Variants in ZNF155 observed in about 807,000 individuals in gnomAD.
ZNF155 encodes the protein zinc finger protein 155.
In ZNF155, 15 loss-of-function variants were observed where a neutral mutation model predicts 11.9. The ratio of observed to expected loss-of-function variants is 1.26; its 90% CI spans 0.84 to 1.94. The LOEUF (loss-of-function observed/expected upper bound fraction) is 1.94. Ranked by LOEUF, ZNF155 falls within the 30% of genes most tolerant of loss-of-function variation. The pLI is 0.00. For missense variants in ZNF155, 602 were observed against 639.1 expected (o/e 0.94, Z 0.63); for synonymous variants, 212 against 219.9 (o/e 0.96, Z 0.32).
Position 43,991,831 on chromosome 19 carries a change from C to T in ZNF155, c.143-11C>T, listed in dbSNP as rs370294146. 145 of 1,612,246 alleles carry T rather than the reference C, an allele frequency of 9.0e-5. No individual in the cohort carries two copies. The highest frequency in any genetic ancestry group is 1.1e-4 in the Non-Finnish European group (135 of 1,178,996). On this transcript the variant is annotated splice_polypyrimidine_tract_variant and intron_variant, in intron 3 of 4. Coordinates refer to ENST00000270014, the MANE Select transcript of ZNF155 (RefSeq NM_198089.3). ...TGTTGGGATTCAGCACGTGACCTTACCTATTCACAGGGCATCAACCGTTCC... is the reference window on the plus strand; with the variant it reads ...TGTTGGGATTCAGCACGTGACCTTATCTATTCACAGGGCATCAACCGTTCC...
Position 43,996,254 on chromosome 19 carries a change from C to G in ZNF155, c.397C>G (p.Gln133Glu). 1.2e-6 allele frequency: 2 copies of G among 1,614,192 alleles called. No homozygotes were observed. The highest frequency in any genetic ancestry group is 1.7e-6 in the Non-Finnish European group (2 of 1,180,016). The part of the protein sequence containing the change: ...QFFENGDVPS[Q>E]VEAGLPTIHT... ...CTTTGAAAATGGTGATGTCCCCTCC[C>G]AGGTTGAAGCAGGACTACCCACAAT... The change falls in exon 5 of 5, where the codon CAG (glutamine) becomes GAG (glutamate). Residue 133 changes from glutamine (Q) to glutamate (E), a missense_variant. Transcript: ENST00000270014.
Position 43,984,189 on chromosome 19 carries a change from T to C in ZNF155, c.-142T>C, listed in dbSNP as rs1975347319. The C allele has an allele frequency of 6.6e-6, 1 of 151,846 alleles. No individual in the cohort carries two copies. Among genetic ancestry groups the C allele is most frequent in the Non-Finnish European group, 1.5e-5 (1 of 67,998 alleles). The allele number at this position is 151,846 out of a possible 1,614,324, so 9.4% of individuals were successfully genotyped here. A position where few individuals can be genotyped will look rare whatever the true frequency, so the allele number is the denominator to read the frequency against. ...TGTAGTCCAGACGCCTGTGGCATCA[T>C]CGACACTTCCGGTCTCCGAGCAGGA... On this transcript the variant is annotated 5_prime_UTR_variant, in exon 1 of 5. Coordinates refer to ENST00000270014, the MANE Select transcript of ZNF155 (RefSeq NM_198089.3).
intron 2 of ZNF155, chr19:43,990,004 T>C (rs382255): frequency 0.3 from 419,810 of 1,408,428 alleles, 67,498 homozygotes; most frequent in African/African-American, 0.53. Context: ...AATAATAGAA[T>C]GATTTGTTCC....
chr19:43,997,440 A>C lies in ZNF155; in HGVS notation c.1583A>C (p.Asp528Ala). 6.2e-7 allele frequency: 1 copy of C among 1,600,452 alleles called. No homozygotes were observed. Residue 528 changes from aspartate (D) to alanine (A), a missense_variant, in exon 5 of 5, where the codon GAT becomes GCT. Physicochemically the swap from Asp to Ala is moderately radical, Grantham distance 126. Transcript: ENST00000270014. ...GRRYKRRLNL[D>A]ILLSLFLNDT ...CGCTACAAGAGGCGCTTGAATCTGG[A>C]TATACTTTTATCATTATTTCTAAAT...
chr19:43,990,647 G>A (rs1296083420), intron 2 of ZNF155, among the ~76,000 whole-genome samples: 1 of 152,212 alleles, frequency 6.6e-6, no homozygotes, highest in South Asian at 2.1e-4. Context: ...TACCTTGAGA[G>A]TAGAGGACAC....
At chr19:43,992,071 G>A in intron 4 of ZNF155, 137 bp downstream of exon 4, 1 of 782,020 alleles carries the variant, frequency 1.3e-6, no homozygotes, top group Non-Finnish European at 2.0e-6. Context: ...CCAGTTGGTG[G>A]CCCTGTTCCC....
chr19:43,991,480 C>G, intron 2 of ZNF155, 68 bp from the exon 3 acceptor site: 2 of 1,610,786 alleles, frequency 1.2e-6, no homozygotes, highest in Admixed American at 3.3e-5. Context: ...CCTTCCCCTG[C>G]TCAATGCCGC....
chr19:43,985,527 C>CTTTTTTTT (rs1975406072), intron 1 of ZNF155, among the ~76,000 whole-genome samples: 1 of 111,336 alleles, frequency 9.0e-6, no homozygotes. Flanking sequence ...AGGTATTGCT[C>CTTTTTTTT]TTTTTCTTTT....
chr19:43,995,108 C>CTT (rs34395661), intron 4 of ZNF155, among the ~76,000 whole-genome samples: 42 of 144,980 alleles, frequency 2.9e-4, no homozygotes, highest in Non-Finnish European at 2.9e-4. Flanking sequence ...GTTAGGTTAA[C>CTT]TTTTTTTTTT....
At position 43,996,168 on chromosome 19, in the gene ZNF155, G is replaced by A. The variant is rs1293660021; in HGVS notation, c.311G>A (p.Trp104Ter). The change falls in exon 5 of 5, where the codon TGG (tryptophan) becomes TAG (stop). Residue 104 changes from tryptophan to a stop codon, truncating the protein, a stop_gained. Transcript: ENST00000270014. LOFTEE classifies it low-confidence loss of function (END_TRUNC). ...GAAGAGTGGTCCTGCCAGCAAATCT[G>A]GGAACAAATTGCAAAAGACTTAACC... The part of the protein sequence containing the change: ...AHEEWSCQQI[W>*]EQIAKDLTRS... The A allele has an allele frequency of 6.2e-7, 1 of 1,613,970 alleles. No homozygotes were observed. Among genetic ancestry groups the A allele is most frequent in the East Asian group, 2.2e-5 (1 of 44,898 alleles).
Position 43,996,379 on chromosome 19 carries a change from G to A in ZNF155, c.522G>A (p.Lys174=). 1 of 1,614,188 alleles carries A rather than the reference G, an allele frequency of 6.2e-7. No homozygotes were observed. The highest frequency in any genetic ancestry group is 8.5e-7 in the Non-Finnish European group (1 of 1,180,026). ...CTCAGCAGTTATACTCAGAAGAGAAGTCTTATACATGTGATGAGTGTGGAA... is the reference window on the plus strand; with the variant it reads ...CTCAGCAGTTATACTCAGAAGAGAAATCTTATACATGTGATGAGTGTGGAA... ...DLPQQLYSEE[K]SYTCDECGKS... Residue 174 remains lysine, a synonymous_variant, in exon 5 of 5, where the codon AAG becomes AAA. Transcript: ENST00000270014.
At chr19:43,985,555 T>C (rs1027870967) in intron 1 of ZNF155, among the ~76,000 whole-genome samples, 32 of 147,370 alleles carry the variant, frequency 2.2e-4, no homozygotes, top group Admixed American at 1.5e-3. Flanking sequence ...TTTTTTTTTT[T>C]CCTGAGACGG....
Position 43,996,183 on chromosome 19 carries a change from A to G in ZNF155, c.326A>G (p.Lys109Arg), listed in dbSNP as rs754905888. 3 of 1,614,064 alleles carry G rather than the reference A, an allele frequency of 1.9e-6. No homozygotes were observed. Among genetic ancestry groups the G allele is most frequent in the Non-Finnish European group, 2.5e-6 (3 of 1,180,022 alleles). ...SCQQIWEQIA[K>R]DLTRSQDSII... is the part of the protein sequence containing the mutation. ...CAGCAAATCTGGGAACAAATTGCAA[A>G]AGACTTAACCAGGTCTCAGGACTCT... The change falls in exon 5 of 5, where the codon AAA becomes AGA. Residue 109 changes from lysine (K) to arginine (R), a missense_variant. By Grantham distance (26) the Lys-to-Arg change is conservative. Transcript: ENST00000270014.
In ZNF155 at chr19:43,996,581, A is replaced by C. The variant is rs1975877925; in HGVS notation, c.724A>C (p.Ser242Arg). Residue 242 changes from serine to arginine, a missense_variant, in exon 5 of 5, where the codon AGT becomes CGT. By Grantham distance (110) the Ser-to-Arg change is moderately radical. Transcript: ENST00000270014. ...FKCEQCGKGFSRRSALNVHRK... is the reference protein window; with the variant it reads ...FKCEQCGKGFRRRSALNVHRK... Reference sequence around the variant, plus strand: ...ATGTGAGCAATGTGGGAAAGGTTTCAGTCGTAGATCAGCACTTAATGTTCA... The same window carrying C: ...ATGTGAGCAATGTGGGAAAGGTTTCCGTCGTAGATCAGCACTTAATGTTCA... 1.9e-6 allele frequency: 3 copies of C among 1,613,088 alleles called. No individual in the cohort carries two copies. In the Admixed American group the frequency reaches 5.0e-5, roughly 27 times the overall value.
Position 43,991,688 on chromosome 19 carries a change from T to C in ZNF155, c.142+14T>C. The stretch of plus-strand genomic sequence containing the variant: ...TGCTCTCAGTGGGTGAGCACGGGCA[T>C]CTTTTGTGTCTGAACATCAGGCCTC... On this transcript the variant is annotated intron_variant, in intron 3 of 4. Coordinates refer to ENST00000270014, the MANE Select transcript of ZNF155 (RefSeq NM_198089.3). The C allele has an allele frequency of 1.2e-6, 2 of 1,614,014 alleles. No individual in the cohort carries two copies. Among genetic ancestry groups the C allele is most frequent in the Non-Finnish European group, 1.7e-6 (2 of 1,179,970 alleles).
At chr19:43,987,841 A>G (rs1310583957) in intron 1 of ZNF155, among the ~76,000 whole-genome samples, 2 of 152,196 alleles carry the variant, frequency 1.3e-5, no homozygotes, top group African/African-American at 2.4e-5. Context: ...AATTCTATTG[A>G]GGTATTTTTT....
At chr19:43,985,309 C>T (rs145008848) in intron 1 of ZNF155, among the ~76,000 whole-genome samples, 1,941 of 152,116 alleles carry the variant, frequency 0.013, 34 homozygotes, top group African/African-American at 0.044. Context: ...GATCCGCCTG[C>T]CTCGGCCTCC....
rs200563285 is a variant in ZNF155, at chr19:43,991,682, C to G, written c.142+8C>G. On this transcript the variant is annotated splice_region_variant and intron_variant, in intron 3 of 4. Coordinates refer to ENST00000270014, the MANE Select transcript of ZNF155 (RefSeq NM_198089.3). ...GGAACCTGCTCTCAGTGGGTGAGCA[C>G]GGGCATCTTTTGTGTCTGAACATCA... is the stretch of plus-strand genomic sequence containing the variant. 1 of 1,613,818 alleles carries G rather than the reference C, an allele frequency of 6.2e-7. No homozygotes were observed.
At chr19:43,986,610 C>T (rs576602399) in intron 1 of ZNF155, among the ~76,000 whole-genome samples, 1 of 151,920 alleles carries the variant, frequency 6.6e-6, no homozygotes, top group Non-Finnish European at 1.5e-5. Context: ...CCACCATGCC[C>T]GGCTATTTTT....
Sources: allele counts gnomAD v4.1 joint callset (sites outside exome capture counted in the v4.1 genomes callset), GRCh38; gene constraint gnomAD v4.1.1; transcripts MANE v1.5; gene names NCBI Gene and HGNC (gene_info 2026-07-23, HGNC 2026-07-21).